LINGO2: variants seen among roughly 807,000 people sequenced by gnomAD.
The protein encoded by LINGO2 is leucine rich repeat and Ig domain containing 2.
Under a neutral mutation model 30.6 loss-of-function variants are expected in LINGO2, and 14 were observed. The observed-to-expected ratio is 0.46, with a 90% CI of 0.30 to 0.72. The LOEUF (loss-of-function observed/expected upper bound fraction) is 0.72, where lower values mean the gene tolerates loss of function less well. Ranked by LOEUF, LINGO2 falls within the 30% of genes least tolerant of loss-of-function variation. The pLI is 0.07. For synonymous variants in LINGO2, 317 were observed against 288.5 expected, an observed-to-expected ratio of 1.10 and a Z score of -1.00; for missense variants, 729 against 751.7, an observed-to-expected ratio of 0.97 and a Z score of 0.35.
intron 5 of LINGO2, among the ~76,000 whole-genome samples, chr9:27,955,122 A>G (rs1819502940): frequency 6.6e-6 from 1 of 152,206 alleles, no homozygotes; most frequent in African/African-American, 2.4e-5. Flanking sequence ...TATGTTTTAT[A>G]ATGAAAGATA....
chr9:28,702,185 T>C, the LINGO2 span, among the ~76,000 whole-genome samples: 3 of 151,934 alleles, frequency 2.0e-5, no homozygotes, highest in South Asian at 2.1e-4. Flanking sequence ...AGTGGGAATA[T>C]CCTTCCCTTG....
chr9:28,955,141 G>C, the LINGO2 span, among the ~76,000 whole-genome samples: 4 of 151,596 alleles, frequency 2.6e-5, no homozygotes, highest in Non-Finnish European at 4.4e-5. Context: ...TGAAAGGAGG[G>C]AGACAAAAAG....
chr9:28,655,317 G>A (rs1157556302), intron 1 of LINGO2, among the ~76,000 whole-genome samples: 3 of 152,000 alleles, frequency 2.0e-5, no homozygotes, highest in African/African-American at 4.8e-5. Context: ...TTTGGAATAG[G>A]TGTCTTTACC....
the LINGO2 span, among the ~76,000 whole-genome samples, chr9:29,169,478 A>T: frequency 6.6e-6 from 1 of 152,282 alleles, no homozygotes; most frequent in African/African-American, 2.4e-5. Flanking sequence ...ACATACACAG[A>T]CATTCTTCAA....
intron 1 of LINGO2, among the ~76,000 whole-genome samples, chr9:28,588,942 G>C (rs1432036774): frequency 2.0e-5 from 3 of 152,082 alleles, no homozygotes; most frequent in Non-Finnish European, 4.4e-5. Context: ...GTGCTTCAAA[G>C]TAAGAGGCAG....
the LINGO2 span, among the ~76,000 whole-genome samples, chr9:28,892,810 G>T: frequency 6.6e-6 from 1 of 151,776 alleles, no homozygotes; most frequent in Non-Finnish European, 1.5e-5. Context: ...GTTTTGATTT[G>T]GAGAAATAGT....
the LINGO2 span, among the ~76,000 whole-genome samples, chr9:28,804,115 T>C: frequency 1.0e-3 from 153 of 152,210 alleles, no homozygotes; most frequent in Middle Eastern, 6.8e-3. Flanking sequence ...GCTCTTATTC[T>C]CTTTTCTTCT....
intron 3 of LINGO2, among the ~76,000 whole-genome samples, chr9:28,312,450 A>G (rs976384033): frequency 1.3e-4 from 20 of 152,252 alleles, no homozygotes; most frequent in Admixed American, 1.0e-3. Context: ...AATCACGAAA[A>G]TTTAACAAAA....
chr9:28,017,083 CAA>C (rs1822877216), intron 4 of LINGO2, among the ~76,000 whole-genome samples: 1 of 152,102 alleles, frequency 6.6e-6, no homozygotes, highest in African/African-American at 2.4e-5. Flanking sequence ...GAGCTAAAAA[CAA>C]AAACCACCTG....
intron 2 of LINGO2, among the ~76,000 whole-genome samples, chr9:28,459,986 A>G (rs537675021): frequency 6.6e-6 from 1 of 152,282 alleles, no homozygotes; most frequent in East Asian, 1.9e-4. Context: ...ATGTTTTTTC[A>G]TAAACTGAAT....
chr9:28,681,216 C>T, the LINGO2 span, among the ~76,000 whole-genome samples: 1 of 151,950 alleles, frequency 6.6e-6, no homozygotes, highest in Admixed American at 6.6e-5. Flanking sequence ...CCTGGACTAA[C>T]TTAGTTCCAG....
the LINGO2 span, among the ~76,000 whole-genome samples, chr9:29,065,372 T>C: frequency 6.6e-6 from 1 of 152,150 alleles, no homozygotes; most frequent in Non-Finnish European, 1.5e-5. Flanking sequence ...TGGTATTTCA[T>C]AGGTTATCTT....
chr9:28,764,859 G>T, the LINGO2 span, among the ~76,000 whole-genome samples: 1 of 151,494 alleles, frequency 6.6e-6, no homozygotes, highest in African/African-American at 2.4e-5. Flanking sequence ...CATCAATAAT[G>T]ACCTATGCAA....
chr9:29,190,183 C>T, the LINGO2 span, among the ~76,000 whole-genome samples: 1 of 152,106 alleles, frequency 6.6e-6, no homozygotes, highest in South Asian at 2.1e-4. Context: ...TATTAAAGAG[C>T]AGTCAGTGTT....
the LINGO2 span, among the ~76,000 whole-genome samples, chr9:28,694,923 C>A: frequency 1.2e-4 from 17 of 143,936 alleles, no homozygotes; most frequent in Non-Finnish European, 2.3e-4. Flanking sequence ...GACACAGTTT[C>A]TTTTAAATGT....
intron 4 of LINGO2, among the ~76,000 whole-genome samples, chr9:28,039,946 C>G (rs1824121924): frequency 6.6e-6 from 1 of 152,128 alleles, no homozygotes. Context: ...GCTGAACATT[C>G]CATCCTCTAT....
At chr9:28,134,356 T>G (rs879723861) in intron 4 of LINGO2, among the ~76,000 whole-genome samples, 2 of 152,190 alleles carry the variant, frequency 1.3e-5, no homozygotes, top group Non-Finnish European at 2.9e-5. Flanking sequence ...CTATTCCTCT[T>G]AGAAACCATT....
chr9:28,414,619 A>T (rs1822899333), intron 2 of LINGO2, among the ~76,000 whole-genome samples: 1 of 152,110 alleles, frequency 6.6e-6, no homozygotes, highest in African/African-American at 2.4e-5. Context: ...AACTAATAAC[A>T]TGCTGGACTG....
At chr9:28,556,278 G>A (rs951522477) in intron 1 of LINGO2, among the ~76,000 whole-genome samples, 2 of 152,048 alleles carry the variant, frequency 1.3e-5, no homozygotes, top group African/African-American at 4.8e-5. Context: ...TCCTTAAGCT[G>A]ATAAGCAACT....
Sources: allele counts gnomAD v4.1 joint callset (sites outside exome capture counted in the v4.1 genomes callset), GRCh38; gene constraint gnomAD v4.1.1; transcripts MANE v1.5; gene names NCBI Gene and HGNC (gene_info 2026-07-23, HGNC 2026-07-21).